The following CCDC7 variants were observed in gnomAD, a reference collection of about 807,000 sequenced individuals.
The protein encoded by CCDC7 is coiled-coil domain-containing protein 7.
A neutral mutation model predicts 196.9 loss-of-function variants in CCDC7; 183 were observed. The observed-to-expected ratio is 0.93, with a 90% CI of 0.82 to 1.05. The LOEUF (loss-of-function observed/expected upper bound fraction) is 1.05, where lower values mean the gene tolerates loss of function less well. CCDC7 is among the 50% of genes least tolerant of loss of function. The pLI, the probability that CCDC7 is intolerant of heterozygous loss-of-function variation, is 0.00. For missense variants in CCDC7, 1,540 were observed against 1,482.2 expected (o/e 1.04, Z -0.64); for synonymous variants, 525 against 484.6 (o/e 1.08, Z -1.10).
At chr10:32,651,740 C>T (rs1385993032) in intron 20 of CCDC7, among the ~76,000 whole-genome samples, 3 of 151,780 alleles carry the variant, frequency 2.0e-5, no homozygotes, top group African/African-American at 4.8e-5. Context: ...ACCTCTCTGG[C>T]GGGAAGGGAG....
At chr10:32,789,496 G>T (rs192981512) in intron 29 of CCDC7, among the ~76,000 whole-genome samples, 33 of 146,638 alleles carry the variant, frequency 2.3e-4, no homozygotes, top group Admixed American at 1.9e-3. Flanking sequence ...GCAAAAGAAA[G>T]AATCAGTAAA....
At chr10:32,845,798 C>A (rs987705445) in intron 35 of CCDC7, 78 bp from the exon 37 acceptor site, 6 of 685,438 alleles carry the variant, frequency 8.8e-6, no homozygotes, top group Non-Finnish European at 1.4e-5. Context: ...CACACACATA[C>A]ACACACACAC....
chr10:32,719,575 G>C (rs1172252282), intron 25 of CCDC7, among the ~76,000 whole-genome samples: 1 of 152,108 alleles, frequency 6.6e-6, no homozygotes, highest in Non-Finnish European at 1.5e-5. Context: ...TCATCAGCAT[G>C]AACAGGCAAC....
chr10:32,689,716 A>G (rs1457997669), intron 23 of CCDC7, among the ~76,000 whole-genome samples: 1 of 151,408 alleles, frequency 6.6e-6, no homozygotes, highest in Middle Eastern at 3.2e-3. Flanking sequence ...ATTTATCGAA[A>G]CAGTTCCAGT....
chr10:32,642,421 GGCTCCGTGGGC>G (rs1198399031), intron 20 of CCDC7, among the ~76,000 whole-genome samples: 2 of 152,196 alleles, frequency 1.3e-5, no homozygotes, highest in African/African-American at 4.8e-5. Context: ...CAATGAGCGA[GGCTCCGTGGGC>G]GTAGGACCCT....
chr10:32,538,434 G>T (rs1442195382), intron 11 of CCDC7, among the ~76,000 whole-genome samples: 1 of 152,128 alleles, frequency 6.6e-6, no homozygotes, highest in Non-Finnish European at 1.5e-5. Flanking sequence ...ATCAAACAGG[G>T]GTAGTTTCAC....
chr10:32,704,458 G>A (rs952714461), intron 24 of CCDC7, among the ~76,000 whole-genome samples: 4 of 151,010 alleles, frequency 2.6e-5, no homozygotes, highest in African/African-American at 9.9e-5. Context: ...CAGGGGTCAG[G>A]GACCCACTTG....
At chr10:32,706,671 A>C (rs71370330) in intron 24 of CCDC7, among the ~76,000 whole-genome samples, 2 of 150,716 alleles carry the variant, frequency 1.3e-5, no homozygotes, top group Non-Finnish European at 3.0e-5. Context: ...ACAAACTACC[A>C]TCAGAGAATA....
intron 32 of CCDC7, among the ~76,000 whole-genome samples, chr10:32,830,125 T>TATATATATATATATATATATATATATGG (rs1343811663): frequency 3.9e-5 from 4 of 103,440 alleles, no homozygotes; most frequent in Admixed American, 1.0e-4. Flanking sequence ...TATAAGGATA[T>TATATATATATATATATATATATATATGG]ATATATATAT....
At chr10:32,704,512 G>A (rs563366080) in intron 24 of CCDC7, among the ~76,000 whole-genome samples, 6 of 152,224 alleles carry the variant, frequency 3.9e-5, no homozygotes, top group Admixed American at 3.9e-4. Flanking sequence ...TCCATGCTGG[G>A]AGAACCACTA....
At chr10:32,622,357 A>G (rs1437740409) in intron 18 of CCDC7, among the ~76,000 whole-genome samples, 1 of 152,036 alleles carries the variant, frequency 6.6e-6, no homozygotes, top group Admixed American at 6.6e-5. Flanking sequence ...TTGTATAAAT[A>G]GATTTGTGTT....
intron 25 of CCDC7, among the ~76,000 whole-genome samples, chr10:32,718,166 G>A (rs775213697): frequency 3.9e-5 from 6 of 152,032 alleles, no homozygotes; most frequent in Non-Finnish European, 8.8e-5. Context: ...CCAGCTGCAC[G>A]TTAAAAAGCT....
rs542235860 is a variant in CCDC7, at chr10:32,673,417, G to T, written c.2122+9256G>T. ...AATTTTTCCATTTTGAACAAAAGAT[G>T]TCTTTCCATTTTAATTTCTTTCAGC... On this transcript the variant is annotated intron_variant, in intron 21 of 41. Transcript: ENST00000639629. Among the ~76,000 whole-genome samples the T allele has an allele frequency of 2.6e-5, 4 of 152,166 alleles. No individual in the cohort carries two copies. The East Asian group carries it at 7.7e-4, about 29-fold the overall frequency.
At chr10:32,584,031 C>G (rs1053973620) in intron 17 of CCDC7, among the ~76,000 whole-genome samples, 1 of 152,032 alleles carries the variant, frequency 6.6e-6, no homozygotes, top group Non-Finnish European at 1.5e-5. Flanking sequence ...TTCCCAATTG[C>G]CTCTCAGGTC....
At chr10:32,715,696 G>T (rs1327493844) in intron 25 of CCDC7, among the ~76,000 whole-genome samples, 1 of 152,128 alleles carries the variant, frequency 6.6e-6, no homozygotes, top group Non-Finnish European at 1.5e-5. Flanking sequence ...CCAGTTTAGA[G>T]AAGAACATAA....
chr10:32,747,464 G>A (rs2074970108), intron 28 of CCDC7, among the ~76,000 whole-genome samples: 1 of 152,066 alleles, frequency 6.6e-6, no homozygotes, highest in Non-Finnish European at 1.5e-5. Flanking sequence ...CACAAACTAT[G>A]CATCCAACAA....
chr10:32,785,159 G>T (rs1453875834), intron 29 of CCDC7, among the ~76,000 whole-genome samples: 1 of 152,098 alleles, frequency 6.6e-6, no homozygotes, highest in African/African-American at 2.4e-5. Flanking sequence ...ATCCTTCTGT[G>T]CTAGACATAT....
intron 18 of CCDC7, among the ~76,000 whole-genome samples, chr10:32,604,091 T>C (rs561971773): frequency 6.6e-6 from 1 of 152,286 alleles, no homozygotes; most frequent in South Asian, 2.1e-4. Context: ...GGTCTTACAT[T>C]TAAGCCTTTA....
chr10:32,472,163 T>C (rs2038088122), intron 6 of CCDC7, among the ~76,000 whole-genome samples: 2 of 152,192 alleles, frequency 1.3e-5, no homozygotes, highest in South Asian at 4.1e-4. Context: ...CATTATACGA[T>C]TGATAATAAT....
Sources: gnomAD v4.1 joint callset for allele counts (sites outside exome capture counted in the v4.1 genomes callset) on GRCh38, gnomAD v4.1.1 for gene constraint, MANE v1.5 for transcripts, NCBI Gene and HGNC (gene_info 2026-07-23, HGNC 2026-07-21) for gene names.